PGLYRP3: variants seen among roughly 807,000 people sequenced by gnomAD.
PGLYRP3 encodes the protein peptidoglycan recognition protein I alpha.
Under a neutral mutation model 36.0 loss-of-function variants are expected in PGLYRP3, and 39 were observed. That is an observed-to-expected ratio of 1.08 (90% CI 0.84 to 1.41). The LOEUF is 1.41. Among genes scored for constraint, PGLYRP3 ranks in the 40% most tolerant of loss-of-function variants. The probability of loss-of-function intolerance (pLI) is 0.00; values close to 1 mark genes in which losing one functional copy is unlikely to be tolerated. For synonymous variants in PGLYRP3, 204 were observed against 172.8 expected, an observed-to-expected ratio of 1.18 and a Z score of -1.42; for missense variants, 407 against 427.9, an observed-to-expected ratio of 0.95 and a Z score of 0.43.
chr1:153,311,461 T>A (rs1199186429), intron 1 of PGLYRP3, among the ~76,000 whole-genome samples: 1 of 152,204 alleles, frequency 6.6e-6, no homozygotes, highest in South Asian at 2.1e-4. Flanking sequence ...TACCCAGGTC[T>A]GTCTGACTCC....
At position 153,298,011 on chromosome 1, in the gene PGLYRP3, G is replaced by T. The variant is rs369502719; in HGVS notation, c.971C>A (p.Ser324Tyr). ...GATGTTATACAAAGCCTGCCCAGGG[G>T]ACAGGATGTTGACCACGTCACTGTG... Reference protein sequence around the residue: ...MGHSDVVNILSPGQALYNIIS... With the variant: ...MGHSDVVNILYPGQALYNIIS... Residue 324 changes from serine (S) to tyrosine (Y), a missense_variant, in exon 8 of 8, where the codon TCC becomes TAC. Physicochemically the swap from Ser to Tyr is moderately radical, Grantham distance 144. Coordinates refer to ENST00000683862, the MANE Select transcript of PGLYRP3 (RefSeq NM_052891.3). 3.1e-6 allele frequency: 5 copies of T among 1,614,090 alleles called. No homozygotes were observed. The African/African-American group carries it at 4.0e-5, about 13-fold the overall frequency.
At chr1:153,308,246 G>A (rs990780612) in intron 2 of PGLYRP3, among the ~76,000 whole-genome samples, 9 of 152,024 alleles carry the variant, frequency 5.9e-5, no homozygotes, top group Admixed American at 1.3e-4. Flanking sequence ...CACCCTCCTC[G>A]GCCTCCCAAA....
At position 153,302,561 on chromosome 1, in the gene PGLYRP3, T is replaced by A. The variant is rs1397581019; in HGVS notation, c.576A>T (p.Thr192=). 1 of 1,614,192 alleles carries A rather than the reference T, an allele frequency of 6.2e-7. No homozygotes were observed. The highest frequency in any genetic ancestry group is 1.7e-5 in the Admixed American group (1 of 60,022). ...IKRSAWEARE[T]HCPKMNLPAK... ...CTGGGAGGTTCATTTTAGGGCAGTGTGTCTCTCTGGCTTCCCAAGCAGATC... is the reference window on the plus strand; with the variant it reads ...CTGGGAGGTTCATTTTAGGGCAGTGAGTCTCTCTGGCTTCCCAAGCAGATC... Residue 192 remains threonine (T), a synonymous_variant, in exon 6 of 8, where the codon ACA becomes ACT. Transcript: ENST00000683862.
intron 2 of PGLYRP3, among the ~76,000 whole-genome samples, chr1:153,309,322 G>A (rs546801475): frequency 2.1e-4 from 32 of 152,304 alleles, no homozygotes; most frequent in African/African-American, 7.7e-4. Flanking sequence ...CTATAGAGAA[G>A]GGAAACCAAG....
At chr1:153,305,678 T>G (rs1659722526) in intron 3 of PGLYRP3, among the ~76,000 whole-genome samples, 1 of 152,228 alleles carries the variant, frequency 6.6e-6, no homozygotes, top group Non-Finnish European at 1.5e-5. Flanking sequence ...TATTCATCTT[T>G]TAATAGAACA....
At chr1:153,300,501 AAAAT>A (rs1188143884) in intron 6 of PGLYRP3, among the ~76,000 whole-genome samples, 3 of 152,356 alleles carry the variant, frequency 2.0e-5, no homozygotes, top group African/African-American at 4.8e-5. Context: ...AACTCTAACA[AAAAT>A]AAATAAAGCC....
rs1326443462 is a variant in PGLYRP3, at chr1:153,302,340, C to G, written c.728+69G>C. 5 of 1,512,018 alleles carry G rather than the reference C, an allele frequency of 3.3e-6. No homozygotes were observed. In the African/African-American group the frequency reaches 6.9e-5, roughly 21 times the overall value. 93.7% of individuals were successfully genotyped at this position (1,512,018 alleles called of 1,614,324 possible). A position where few individuals can be genotyped will look rare whatever the true frequency, so the allele number is the denominator to read the frequency against. ...AGGAGAGGCTCAGGAAACATCAGTT[C>G]CCTCCCACAGCCTTCCTTCCTACAA... is the stretch of plus-strand genomic sequence containing the variant. On this transcript the variant is annotated intron_variant, in intron 6 of 7. Coordinates refer to ENST00000683862, the MANE Select transcript of PGLYRP3 (RefSeq NM_052891.3).
chr1:153,303,807 A>T (rs1269989372), intron 5 of PGLYRP3, 50 bp downstream of exon 5: 1 of 1,554,728 alleles, frequency 6.4e-7, no homozygotes, highest in Non-Finnish European at 8.8e-7. Flanking sequence ...GACTCCAAAC[A>T]TGGCTAGGTG....
In PGLYRP3 at chr1:153,297,550, G is replaced by GAAAAA. The variant is rs1557805321; in HGVS notation, c.*405_*406insTTTTT. ...AGGAAGGAAGGAAGGAAGGAAGGAA[G>GAAAAA]GAAAGAAAGAAAAAGAAAGAAAGAA... On this transcript the variant is annotated 3_prime_UTR_variant, in exon 8 of 8. Transcript: ENST00000683862. Among the ~76,000 whole-genome samples, 9 of 91,086 alleles carry GAAAAA rather than the reference G, an allele frequency of 9.9e-5. No homozygotes were observed. Among genetic ancestry groups the GAAAAA allele is most frequent in the African/African-American group, 1.3e-4 (3 of 23,062 alleles). The allele number at this position is 91,086 out of a possible 152,430, so 59.8% of individuals were successfully genotyped here.
chr1:153,300,116 G>A (rs1659548419), intron 6 of PGLYRP3, among the ~76,000 whole-genome samples: 1 of 152,140 alleles, frequency 6.6e-6, no homozygotes, highest in Admixed American at 6.5e-5. Context: ...GGCCCTCCGT[G>A]ATGTGGCCCC....
chr1:153,299,004 C>G, intron 7 of PGLYRP3, 109 bp downstream of exon 7: 1 of 838,206 alleles, frequency 1.2e-6, no homozygotes, highest in Non-Finnish European at 2.0e-6. Flanking sequence ...CTAAAATGTT[C>G]CATTCACACT....
At chr1:153,303,142 A>G (rs1391458658) in intron 5 of PGLYRP3, among the ~76,000 whole-genome samples, 5 of 152,236 alleles carry the variant, frequency 3.3e-5, no homozygotes, top group Non-Finnish European at 7.3e-5. Flanking sequence ...AATATCATTG[A>G]TCCCAAGAAA....
chr1:153,297,538 G>GAAA lies in PGLYRP3; in HGVS notation c.*417_*418insTTT, dbSNP rs1557805266. 7.0e-5 allele frequency among the ~76,000 whole-genome samples: 6 copies of GAAA among 85,958 alleles called. No homozygotes were observed. The highest frequency in any genetic ancestry group is 2.6e-4 in the African/African-American group (5 of 19,588). The allele number at this position is 85,958 out of a possible 152,430, so 56.4% of individuals were successfully genotyped here. On this transcript the variant is annotated 3_prime_UTR_variant, in exon 8 of 8. Coordinates refer to ENST00000683862, the MANE Select transcript of PGLYRP3 (RefSeq NM_052891.3). ...AGGAAGGAAGGAAGGAAGGAAGGAAGGAAGGAAGGAAGGAAAGAAAGAAAA... is the reference window on the plus strand; with the variant it reads ...AGGAAGGAAGGAAGGAAGGAAGGAAGAAAGAAGGAAGGAAGGAAAGAAAGAAAA...
intron 6 of PGLYRP3, among the ~76,000 whole-genome samples, chr1:153,300,312 C>A (rs1012019074): frequency 3.9e-5 from 6 of 152,208 alleles, no homozygotes; most frequent in African/African-American, 7.2e-5. Flanking sequence ...CCTCTAGAAG[C>A]CATTCTCAGA....
chr1:153,312,075 C>A (rs936945057), intron 1 of PGLYRP3, among the ~76,000 whole-genome samples: 3 of 152,216 alleles, frequency 2.0e-5, no homozygotes, highest in Non-Finnish European at 4.4e-5. Context: ...CTGGTTTGCA[C>A]CCTGGTCACT....
In PGLYRP3 at chr1:153,297,526, G is replaced by A. The variant is rs568635260; in HGVS notation, c.*430C>T. Among the ~76,000 whole-genome samples the A allele has an allele frequency of 3.9e-4, 31 of 79,990 alleles. No homozygotes were observed. Among genetic ancestry groups the A allele is most frequent in the African/African-American group, 1.4e-3 (26 of 19,060 alleles). 52.5% of individuals were successfully genotyped at this position (79,990 alleles called of 152,430 possible). A position where few individuals can be genotyped will look rare whatever the true frequency, so the allele number is the denominator to read the frequency against. On this transcript the variant is annotated 3_prime_UTR_variant, in exon 8 of 8. Coordinates refer to ENST00000683862, the MANE Select transcript of PGLYRP3 (RefSeq NM_052891.3). The stretch of plus-strand genomic sequence containing the variant: ...AGGAAGGAAGGAAGGAAGGAAGGAA[G>A]GAAGGAAGGAAGGAAGGAAGGAAGG...
In PGLYRP3 at chr1:153,304,980, A is replaced by T. The variant is rs369328801; in HGVS notation, c.343T>A (p.Ser115Thr). ...TTGCCAAAGAAGGCGATGCCCAGGG[A>T]AATGTTGTTGTAGCCCTGGGTGTGC... ...GLHTQGYNNI[S>T]LGIAFFGNKI... Residue 115 changes from serine (S) to threonine (T), a missense_variant, in exon 4 of 8, where the codon TCC (serine) becomes ACC (threonine). By Grantham distance (58) the Ser-to-Thr change is moderately conservative (BLOSUM62 1). Coordinates refer to ENST00000683862, the MANE Select transcript of PGLYRP3 (RefSeq NM_052891.3). The T allele has an allele frequency of 4.3e-6, 7 of 1,613,858 alleles. No individual in the cohort carries two copies. The African/African-American group carries it at 8.0e-5, about 18-fold the overall frequency.
At position 153,310,604 on chromosome 1, in the gene PGLYRP3, AACTT is replaced by A. The variant is rs1659870521; in HGVS notation, c.55+3_55+6del. 3.7e-6 allele frequency: 6 copies of A among 1,614,056 alleles called. No homozygotes were observed. The East Asian group carries it at 1.3e-4, about 36-fold the overall frequency. On this transcript the variant is annotated splice_donor_5th_base_variant and intron_variant, in intron 2 of 7. Transcript: ENST00000683862. ...AAGCACTTCTGATGCAAGTAAATAA[AACTT>A]ACCCCAAGCCTGGAGACCCAGAATG...
Position 153,297,725 on chromosome 1 carries a change from A to C in PGLYRP3, c.*231T>G. On this transcript the variant is annotated 3_prime_UTR_variant, in exon 8 of 8. Coordinates refer to ENST00000683862, the MANE Select transcript of PGLYRP3 (RefSeq NM_052891.3). ...GGAGGTAAGTGCCCAGGGGAGAGGTAGGTAAAAGAGAGGGGAAGTCTAAAC... is the reference window on the plus strand; with the variant it reads ...GGAGGTAAGTGCCCAGGGGAGAGGTCGGTAAAAGAGAGGGGAAGTCTAAAC... 1 of 450,160 alleles carries C rather than the reference A, an allele frequency of 2.2e-6. No homozygotes were observed. The allele number at this position is 450,160 out of a possible 1,614,324, so 27.9% of individuals were successfully genotyped here. A position where few individuals can be genotyped will look rare whatever the true frequency, so the allele number is the denominator to read the frequency against.
Sources: allele counts gnomAD v4.1 joint callset (sites outside exome capture counted in the v4.1 genomes callset), GRCh38; gene constraint gnomAD v4.1.1; transcripts MANE v1.5; gene names NCBI Gene and HGNC (gene_info 2026-07-23, HGNC 2026-07-21).